Variants in UTP20 observed in about 807,000 individuals in gnomAD.
UTP20 encodes UTP20 small subunit processome component.
Under a neutral mutation model 329.5 loss-of-function variants are expected in UTP20, and 164 were observed. That is an observed-to-expected ratio of 0.50 (90% CI 0.44 to 0.57). The LOEUF is 0.57. Ranked by LOEUF, UTP20 falls within the 20% of genes least tolerant of loss-of-function variation. The probability of loss-of-function intolerance (pLI) is 0.00; values close to 1 mark genes in which losing one functional copy is unlikely to be tolerated. For synonymous variants in UTP20, 1,151 were observed against 1,159.3 expected (o/e 0.99, Z 0.14); for missense variants, 3,055 against 3,284.2 (o/e 0.93, Z 1.71).
chr12:101,349,410 T>C (rs1039685992), intron 38 of UTP20, among the ~76,000 whole-genome samples: 1 of 151,178 alleles, frequency 6.6e-6, no homozygotes, highest in Non-Finnish European at 1.5e-5. Flanking sequence ...TTTTCTTTTT[T>C]TTTCTTTCTT....
In UTP20 at chr12:101,311,788, T is replaced by C. The variant is rs766718371; in HGVS notation, c.2301T>C (p.Ala767=). 24 of 1,612,326 alleles carry C rather than the reference T, an allele frequency of 1.5e-5. No individual in the cohort carries two copies. Among genetic ancestry groups the C allele is most frequent in the Non-Finnish European group, 1.8e-5 (21 of 1,179,628 alleles). Residue 767 remains alanine (A), a synonymous_variant, in exon 20 of 62, where the codon GCT becomes GCC. Coordinates refer to ENST00000261637, the MANE Select transcript of UTP20 (RefSeq NM_014503.3). The part of the protein sequence containing the change: ...KVYYEHLEKA[A]THAEKELQND... Reference sequence around the variant, plus strand: ...ACTATGAGCATCTAGAAAAAGCAGCTACGCATGCTGGTATGTAAAGGGGTT... The same window carrying C: ...ACTATGAGCATCTAGAAAAAGCAGCCACGCATGCTGGTATGTAAAGGGGTT...
chr12:101,332,543 C>T (rs1305014374), intron 27 of UTP20, among the ~76,000 whole-genome samples: 1 of 152,140 alleles, frequency 6.6e-6, no homozygotes, highest in Non-Finnish European at 1.5e-5. Context: ...TTTTATAACT[C>T]ACAGCGAAGG....
chr12:101,335,070 A>G (rs1334809561), intron 29 of UTP20, among the ~76,000 whole-genome samples: 1 of 152,218 alleles, frequency 6.6e-6, no homozygotes, highest in Non-Finnish European at 1.5e-5. Context: ...ATGAAATAGA[A>G]ACTGTCCAGA....
intron 31 of UTP20, among the ~76,000 whole-genome samples, chr12:101,339,770 C>T (rs879846486): frequency 4.6e-5 from 7 of 152,238 alleles, no homozygotes; most frequent in African/African-American, 1.7e-4. Flanking sequence ...GTGCAAGAAA[C>T]AATTCTATCT....
intron 27 of UTP20, among the ~76,000 whole-genome samples, chr12:101,332,296 C>T (rs1236332783): frequency 2.0e-5 from 3 of 152,144 alleles, no homozygotes; most frequent in Non-Finnish European, 4.4e-5. Context: ...CAGATTGTGC[C>T]ATTGCACTCC....
chr12:101,369,704 T>A lies in UTP20; in HGVS notation c.6385-17T>A. On this transcript the variant is annotated splice_polypyrimidine_tract_variant and intron_variant, in intron 48 of 61. Transcript: ENST00000261637. ...GTCACATCACAAGTTGGTGGTGTTT[T>A]GTTTTGTTTTTTTCAGGTGATCACA... The A allele has an allele frequency of 1.4e-6, 2 of 1,380,734 alleles. No individual in the cohort carries two copies. Among genetic ancestry groups the A allele is most frequent in the Non-Finnish European group, 2.1e-6 (2 of 969,116 alleles). The allele number at this position is 1,380,734 out of a possible 1,614,324, so 85.5% of individuals were successfully genotyped here. A position where few individuals can be genotyped will look rare whatever the true frequency, so the allele number is the denominator to read the frequency against.
At chr12:101,368,474 C>T (rs1020829370) in intron 48 of UTP20, among the ~76,000 whole-genome samples, 3 of 152,154 alleles carry the variant, frequency 2.0e-5, no homozygotes, top group Admixed American at 6.5e-5. Flanking sequence ...CATCGTGAAC[C>T]ACCACTATTT....
chr12:101,334,502 A>G lies in UTP20; in HGVS notation c.3639A>G (p.Ala1213=), dbSNP rs1430969246. 1 of 1,610,086 alleles carries G rather than the reference A, an allele frequency of 6.2e-7. No homozygotes were observed. The highest frequency in any genetic ancestry group is 1.1e-5 in the South Asian group (1 of 90,872). Residue 1213 remains alanine (A), a splice_region_variant and synonymous_variant, in exon 29 of 62, where the codon GCA becomes GCG. Transcript: ENST00000261637. The part of the protein sequence containing the change: ...LKLISIWSRN[A]RYFPLLAKQK... Reference sequence around the variant, plus strand: ...TGATCAGTATCTGGAGCAGAAACGCAAGGTATAACCTTTCTTTTTTCCTTC... The same window carrying G: ...TGATCAGTATCTGGAGCAGAAACGCGAGGTATAACCTTTCTTTTTTCCTTC...
At chr12:101,281,036 T>A (rs1052153819) in intron 1 of UTP20, 80 bp from the exon 2 acceptor site, 2 of 1,207,582 alleles carry the variant, frequency 1.7e-6, no homozygotes, top group African/African-American at 3.0e-5. Context: ...TAGAGATGCC[T>A]ACATGCAGCA....
chr12:101,310,597 A>AAAAAAAAAAAAAAAAAAAAAG (rs1380114662), intron 19 of UTP20, among the ~76,000 whole-genome samples: 2 of 150,342 alleles, frequency 1.3e-5, no homozygotes, highest in African/African-American at 4.9e-5. Context: ...AAAAAAAAAA[A>AAAAAAAAAAAAAAAAAAAAAG]ATACATGTTA....
chr12:101,337,581 T>C (rs1387632295), intron 29 of UTP20, among the ~76,000 whole-genome samples: 1 of 152,252 alleles, frequency 6.6e-6, no homozygotes, highest in African/African-American at 2.4e-5. Context: ...AACGTTTGTT[T>C]GGTCTGTACT....
At chr12:101,331,018 G>T (rs1022120407) in intron 27 of UTP20, among the ~76,000 whole-genome samples, 7 of 152,158 alleles carry the variant, frequency 4.6e-5, no homozygotes, top group African/African-American at 1.4e-4. Flanking sequence ...TTCCTTTAGG[G>T]CATTGATCGG....
Position 101,353,035 on chromosome 12 carries a change from T to A in UTP20, c.5025-12T>A. 2 of 1,525,250 alleles carry A rather than the reference T, an allele frequency of 1.3e-6. No homozygotes were observed. The allele number at this position is 1,525,250 out of a possible 1,614,324, so 94.5% of individuals were successfully genotyped here. On this transcript the variant is annotated splice_polypyrimidine_tract_variant and intron_variant, in intron 39 of 61. Coordinates refer to ENST00000261637, the MANE Select transcript of UTP20 (RefSeq NM_014503.3). Reference sequence around the variant, plus strand: ...TCAAATGAACATTTCTGTATACTTTTTTTTTTAACAGTTTGCTAGTAATAG... The same window carrying A: ...TCAAATGAACATTTCTGTATACTTTATTTTTTAACAGTTTGCTAGTAATAG...
intron 45 of UTP20, among the ~76,000 whole-genome samples, chr12:101,365,007 G>A (rs1333180299): frequency 6.6e-6 from 1 of 151,920 alleles, no homozygotes; most frequent in East Asian, 1.9e-4. Flanking sequence ...ATCAGACCCT[G>A]AGGCTTGGCC....
Position 101,362,041 on chromosome 12 carries a change from G to A in UTP20, c.5771G>A (p.Cys1924Tyr). 2.5e-6 allele frequency: 4 copies of A among 1,612,974 alleles called. No homozygotes were observed. Among genetic ancestry groups the A allele is most frequent in the South Asian group, 1.1e-5 (1 of 91,044 alleles). ...NKLQVGDLDSCLDIMIEIFNH... is the reference protein window; with the variant it reads ...NKLQVGDLDSYLDIMIEIFNH... ...CTGCAGGTCGGAGATTTGGACTCTT[G>A]TTTAGATATAATGATTGAGGTAAGA... Residue 1924 changes from cysteine to tyrosine, a missense_variant, in exon 44 of 62, where the codon TGT (cysteine) becomes TAT (tyrosine). Physicochemically the swap from Cys to Tyr is radical, Grantham distance 194. Coordinates refer to ENST00000261637, the MANE Select transcript of UTP20 (RefSeq NM_014503.3).
At chr12:101,280,989 T>C in intron 1 of UTP20, 127 bp from the exon 2 acceptor site, 1 of 728,624 alleles carries the variant, frequency 1.4e-6, no homozygotes, top group East Asian at 2.7e-5. Context: ...TACGGCCGTA[T>C]GTTTTTCAGT....
chr12:101,288,867 C>T (rs1872041540), intron 5 of UTP20, 93 bp from the exon 6 acceptor site: 2 of 1,122,720 alleles, frequency 1.8e-6, no homozygotes, highest in East Asian at 2.6e-5. Flanking sequence ...TCCTTGCATA[C>T]CCAGCACATT....
intron 2 of UTP20, among the ~76,000 whole-genome samples, chr12:101,285,287 A>T (rs1391100925): frequency 6.6e-6 from 1 of 152,150 alleles, no homozygotes; most frequent in Non-Finnish European, 1.5e-5. Context: ...CTAAAATTAT[A>T]AAAAAACACA....
intron 16 of UTP20, 42 bp downstream of exon 16, chr12:101,306,107 C>T (rs955823973): frequency 1.3e-6 from 2 of 1,565,630 alleles, no homozygotes; most frequent in Non-Finnish European, 1.7e-6. Flanking sequence ...TCTCTCTTCT[C>T]CTGTTTCTAT....
Sources: gnomAD v4.1 joint callset for allele counts (sites outside exome capture counted in the v4.1 genomes callset) on GRCh38, gnomAD v4.1.1 for gene constraint, MANE v1.5 for transcripts, NCBI Gene and HGNC (gene_info 2026-07-23, HGNC 2026-07-21) for gene names.